Variants in STXBP3 observed in about 807,000 individuals in gnomAD.
STXBP3 encodes the protein syntaxin-binding protein 3.
Under a neutral mutation model 85.7 loss-of-function variants are expected in STXBP3, and 41 were observed. The observed-to-expected ratio is 0.48, with a 90% CI of 0.37 to 0.62. STXBP3 has a LOEUF of 0.62. STXBP3 is among the 20% of genes least tolerant of loss of function. The pLI, the probability that STXBP3 is intolerant of heterozygous loss-of-function variation, is 0.00. For synonymous variants in STXBP3, 229 were observed against 231.7 expected, an observed-to-expected ratio of 0.99 and a Z score of 0.10; for missense variants, 563 against 703.1, an observed-to-expected ratio of 0.80 and a Z score of 2.25.
chr1:108,790,997 T>G (rs3006878), intron 11 of STXBP3, among the ~76,000 whole-genome samples: 1 of 151,990 alleles, frequency 6.6e-6, no homozygotes, highest in Non-Finnish European at 1.5e-5. Flanking sequence ...TATTTATACA[T>G]TCTGGTACTG....
intron 1 of STXBP3, among the ~76,000 whole-genome samples, chr1:108,749,108 A>G (rs1661853233): frequency 6.6e-6 from 1 of 152,200 alleles, no homozygotes; most frequent in South Asian, 2.1e-4. Context: ...ATTCTATTGC[A>G]GTACTTCAGT....
In STXBP3 at chr1:108,809,096, AG is replaced by A. The variant is rs903320396; in HGVS notation, c.*220del. 3.4e-5 allele frequency: 14 copies of A among 411,568 alleles called. No individual in the cohort carries two copies. The Admixed American group carries it at 6.3e-4, about 18-fold the overall frequency. 25.5% of individuals were successfully genotyped at this position (411,568 alleles called of 1,614,324 possible). On this transcript the variant is annotated 3_prime_UTR_variant, in exon 19 of 19. Coordinates refer to ENST00000370008, the MANE Select transcript of STXBP3 (RefSeq NM_007269.4). ...TGTAGATGATGAGAAGAAATGTTAAAGTGCTTTCTAAAAGGAAATTTTTTCA... is the reference window on the plus strand; with the variant it reads ...TGTAGATGATGAGAAGAAATGTTAAATGCTTTCTAAAAGGAAATTTTTTCA...
chr1:108,761,055 C>T (rs1192190809), intron 6 of STXBP3, among the ~76,000 whole-genome samples: 3 of 149,218 alleles, frequency 2.0e-5, no homozygotes, highest in Non-Finnish European at 4.5e-5. Flanking sequence ...AGGCATGCGT[C>T]ACCACACCTG....
At chr1:108,771,654 CTATATATATCATATATAAA>C in intron 6 of STXBP3, among the ~76,000 whole-genome samples, 1 of 4,276 alleles carries the variant, frequency 2.3e-4, no homozygotes, top group East Asian at 1.6e-3. Context: ...TGATATATAT[CTATATATATCATATATAAA>C]TATATATGAT....
At chr1:108,798,041 A>G (rs1028207459) in intron 15 of STXBP3, 104 bp from the exon 16 acceptor site, 3 of 979,922 alleles carry the variant, frequency 3.1e-6, no homozygotes, top group Admixed American at 4.7e-5. Flanking sequence ...GTCAAATACA[A>G]TATAGTATTT....
chr1:108,746,908 G>C, intron 1 of STXBP3, 122 bp downstream of exon 1: 2 of 976,076 alleles, frequency 2.0e-6, no homozygotes, highest in East Asian at 2.7e-5. Context: ...GTTGCTTTGG[G>C]ACCTGTGTGA....
chr1:108,783,143 G>T (rs1314668108), intron 11 of STXBP3, among the ~76,000 whole-genome samples: 1 of 152,212 alleles, frequency 6.6e-6, no homozygotes, highest in Non-Finnish European at 1.5e-5. Context: ...GCCCACTTTG[G>T]TGCTGGGATT....
intron 8 of STXBP3, among the ~76,000 whole-genome samples, chr1:108,777,398 GA>G (rs2101120893): frequency 6.6e-6 from 1 of 152,112 alleles, no homozygotes; most frequent in South Asian, 2.1e-4. Context: ...AGGCAATAGA[GA>G]AAAAGGCAAA....
intron 18 of STXBP3, 151 bp from the exon 19 acceptor site, chr1:108,808,632 T>C: frequency 1.4e-6 from 1 of 705,972 alleles, no homozygotes; most frequent in Non-Finnish European, 2.5e-6. Flanking sequence ...TATTGCAGCA[T>C]AGGCAGATTT....
chr1:108,750,569 C>T (rs1661878684), intron 1 of STXBP3, among the ~76,000 whole-genome samples: 1 of 152,130 alleles, frequency 6.6e-6, no homozygotes, highest in South Asian at 2.1e-4. Context: ...TTTTATTCCC[C>T]CCTCACACCA....
chr1:108,802,044 A>G (rs1158599797), intron 17 of STXBP3, among the ~76,000 whole-genome samples: 1 of 152,004 alleles, frequency 6.6e-6, no homozygotes, highest in African/African-American at 2.4e-5. Context: ...TCAACTAATG[A>G]TGTGTAGAGA....
intron 17 of STXBP3, among the ~76,000 whole-genome samples, chr1:108,805,032 G>A (rs1281479314): frequency 6.6e-6 from 1 of 152,130 alleles, no homozygotes. Context: ...GTGCTCCTTG[G>A]TGCTATTTAG....
intron 1 of STXBP3, among the ~76,000 whole-genome samples, chr1:108,747,114 C>T (rs957687309): frequency 3.3e-5 from 5 of 152,180 alleles, no homozygotes; most frequent in African/African-American, 1.2e-4. Context: ...CCCTCGGCCG[C>T]GCTCCCCACT....
chr1:108,789,421 C>T (rs1025522807), intron 11 of STXBP3, among the ~76,000 whole-genome samples: 1 of 152,052 alleles, frequency 6.6e-6, no homozygotes, highest in African/African-American at 2.4e-5. Flanking sequence ...GCCAAAATAT[C>T]GGACACCCCT....
intron 6 of STXBP3, among the ~76,000 whole-genome samples, chr1:108,760,677 G>A (rs1413788439): frequency 1.3e-5 from 2 of 151,956 alleles, no homozygotes; most frequent in Non-Finnish European, 2.9e-5. Flanking sequence ...TCTCCATTTT[G>A]AAGATCAAGA....
intron 9 of STXBP3, 114 bp downstream of exon 9, chr1:108,779,524 C>T (rs935184731): frequency 8.1e-6 from 9 of 1,107,054 alleles, no homozygotes; most frequent in African/African-American, 1.6e-5. Flanking sequence ...CTTTTCTATT[C>T]AGAGACTTTA....
intron 4 of STXBP3, among the ~76,000 whole-genome samples, chr1:108,757,649 G>C (rs1662049199): frequency 6.6e-6 from 1 of 151,930 alleles, no homozygotes; most frequent in Non-Finnish European, 1.5e-5. Context: ...GTGGATAATG[G>C]AGCAGAAACT....
In STXBP3 at chr1:108,796,585, G is replaced by A. The variant is rs375731078; in HGVS notation, c.1250-35G>A. The A allele has an allele frequency of 5.1e-6, 8 of 1,566,922 alleles. No individual in the cohort carries two copies. The African/African-American group carries it at 5.4e-5, about 11-fold the overall frequency. On this transcript the variant is annotated intron_variant, in intron 14 of 18. Transcript: ENST00000370008. ...CCTTGAAATTATTTTGGTAGCAATT[G>A]TGTGATTGTGCACTCATATTTTTAC...
chr1:108,798,406 C>CTTCT (rs1663160942), intron 16 of STXBP3, among the ~76,000 whole-genome samples, 169 bp downstream of exon 16: 1 of 101,578 alleles, frequency 9.8e-6, no homozygotes, highest in African/African-American at 3.6e-5. Context: ...GATTCTTCTT[C>CTTCT]TTTTTTTTTT....
Sources: allele counts gnomAD v4.1 joint callset (sites outside exome capture counted in the v4.1 genomes callset), GRCh38; gene constraint gnomAD v4.1.1; transcripts MANE v1.5; gene names NCBI Gene and HGNC (gene_info 2026-07-23, HGNC 2026-07-21).